The following TEX9 variants were observed in gnomAD, a reference collection of about 807,000 sequenced individuals.
TEX9 encodes testis expressed 9.
In TEX9, 74 loss-of-function variants were observed where a neutral mutation model predicts 59.6. The ratio of observed to expected loss-of-function variants is 1.24; its 90% CI spans 1.03 to 1.51. The LOEUF is 1.51. Among genes scored for constraint, TEX9 ranks in the 40% most tolerant of loss-of-function variants. The pLI, the probability that TEX9 is intolerant of heterozygous loss-of-function variation, is 0.00. For missense variants in TEX9, 522 were observed against 447.8 expected (o/e 1.17, Z -1.49); for synonymous variants, 186 against 152.2 (o/e 1.22, Z -1.64).
At chr15:56,404,708 A>T (rs149562089) in intron 9 of TEX9, among the ~76,000 whole-genome samples, 1 of 152,336 alleles carries the variant, frequency 6.6e-6, no homozygotes, top group East Asian at 1.9e-4. Flanking sequence ...CACTATTCAC[A>T]ATAGCAAAGA....
At chr15:56,406,245 C>T (rs140035579) in intron 9 of TEX9, among the ~76,000 whole-genome samples, 1 of 152,208 alleles carries the variant, frequency 6.6e-6, no homozygotes, top group African/African-American at 2.4e-5. Context: ...TTTTCTTCAG[C>T]ATAACATTTT....
At position 56,278,264 on chromosome 15, in the gene TEX9, G is replaced by A. The variant is rs147348337; in HGVS notation, c.-107+33986G>A. ...ATTATCCTTTCTCCTTGTATGTCTT[G>A]TAATGCCATATATAGTGCATGAAAG... On this transcript the variant is annotated intron_variant, in intron 1 of 5. Transcript: ENST00000560827. Among the ~76,000 whole-genome samples the A allele has an allele frequency of 6.0e-4, 91 of 152,102 alleles. 1 individual carries two copies. The highest frequency in any genetic ancestry group is 3.4e-3 in the Middle Eastern group (1 of 294).
At chr15:56,412,216 A>G (rs1260799721) in intron 9 of TEX9, 86 bp from the exon 10 acceptor site, 2 of 1,278,266 alleles carry the variant, frequency 1.6e-6, no homozygotes, top group Non-Finnish European at 2.1e-6. Flanking sequence ...AAAGCAAGGA[A>G]TATGGATATG....
intron 1 of TEX9, among the ~76,000 whole-genome samples, chr15:56,308,676 T>G (rs564102696): frequency 1.3e-5 from 2 of 152,302 alleles, no homozygotes; most frequent in Non-Finnish European, 2.9e-5. Context: ...AACAGTTTTA[T>G]AGTTTTAGCT....
intron 1 of TEX9, among the ~76,000 whole-genome samples, chr15:56,342,351 C>A (rs1167454037): frequency 3.3e-5 from 5 of 152,230 alleles, no homozygotes; most frequent in Non-Finnish European, 7.4e-5. Context: ...ACATGGCTAC[C>A]TCTACTCAGT....
intron 1 of TEX9, among the ~76,000 whole-genome samples, chr15:56,348,859 T>G (rs753364008): frequency 6.6e-5 from 10 of 152,090 alleles, no homozygotes; most frequent in Admixed American, 6.6e-5. Context: ...TTACAATAAC[T>G]CATATGTTAC....
At chr15:56,457,462 A>G in the TEX9 span, among the ~76,000 whole-genome samples, 3 of 152,206 alleles carry the variant, frequency 2.0e-5, no homozygotes, top group Non-Finnish European at 4.4e-5. Flanking sequence ...ACTATCACTC[A>G]TATATTGCTG....
chr15:56,335,509 T>G (rs1372641779), intron 1 of TEX9, among the ~76,000 whole-genome samples: 2 of 151,868 alleles, frequency 1.3e-5, no homozygotes, highest in African/African-American at 4.8e-5. Flanking sequence ...CTGGGAAGGG[T>G]ATGGGGATGG....
chr15:56,289,278 T>C (rs943141136), intron 1 of TEX9, among the ~76,000 whole-genome samples: 2 of 152,242 alleles, frequency 1.3e-5, no homozygotes, highest in Non-Finnish European at 1.5e-5. Context: ...TTTGGTGTTA[T>C]GTCTTCTTGT....
intron 1 of TEX9, among the ~76,000 whole-genome samples, chr15:56,276,732 A>G (rs913783364): frequency 2.0e-5 from 3 of 152,302 alleles, no homozygotes; most frequent in Admixed American, 6.5e-5. Context: ...TTCTGGTTCT[A>G]GATCCTTGAG....
At chr15:56,395,022 A>G (rs565493422) in intron 9 of TEX9, 188 bp downstream of exon 9, 9 of 604,946 alleles carry the variant, frequency 1.5e-5, no homozygotes, top group South Asian at 7.8e-5. Context: ...AAAGTATGCA[A>G]TTCAATGGCT....
chr15:56,448,341 A>C (rs1423381619), downstream of TEX9, among the ~76,000 whole-genome samples: 1 of 152,170 alleles, frequency 6.6e-6, no homozygotes, highest in African/African-American at 2.4e-5. Context: ...AGCTCCTGTC[A>C]CCCAGGCAGT....
At chr15:56,271,108 G>A (rs2044518761) in intron 1 of TEX9, among the ~76,000 whole-genome samples, 3 of 152,080 alleles carry the variant, frequency 2.0e-5, no homozygotes, top group Admixed American at 2.0e-4. Context: ...TGACAATTAT[G>A]TGTCTTGGGG....
chr15:56,406,278 TGTG>T lies in TEX9; in HGVS notation c.829-6020_829-6018del, dbSNP rs1435273088. ...TTTTAAGGTTCATCAATGTTTTACA[TGTG>T]GTGTGGTTCATTTCCTTGTATTGCT... On this transcript the variant is annotated intron_variant, in intron 9 of 12. Transcript: ENST00000352903. Among the ~76,000 whole-genome samples, 5 of 152,170 alleles carry T rather than the reference TGTG, an allele frequency of 3.3e-5. No homozygotes were observed. In the East Asian group the frequency reaches 5.8e-4, roughly 18 times the overall value.
chr15:56,383,820 A>G, intron 3 of TEX9, 132 bp from the exon 4 acceptor site: 1 of 581,326 alleles, frequency 1.7e-6, no homozygotes, highest in Non-Finnish European at 3.0e-6. Flanking sequence ...TAGCATTTAG[A>G]ATTCCGTGCC....
At chr15:56,375,771 CAT>C (rs1379273704) in intron 3 of TEX9, among the ~76,000 whole-genome samples, 1 of 151,882 alleles carries the variant, frequency 6.6e-6, no homozygotes, top group Non-Finnish European at 1.5e-5. Context: ...CACATGCACA[CAT>C]ATGTTTATTG....
chr15:56,395,399 G>A (rs1365757633), intron 9 of TEX9: 1 of 152,086 alleles, frequency 6.6e-6, no homozygotes, highest in African/African-American at 2.4e-5. Flanking sequence ...TATTTGGGTT[G>A]TTTCTACTGT....
At chr15:56,307,042 G>T (rs1212751641) in intron 1 of TEX9, among the ~76,000 whole-genome samples, 1 of 152,154 alleles carries the variant, frequency 6.6e-6, no homozygotes, top group African/African-American at 2.4e-5. Flanking sequence ...CTTCCTGGCT[G>T]TGCTCAGTAA....
chr15:56,326,528 A>G (rs901748592), intron 1 of TEX9, among the ~76,000 whole-genome samples: 8 of 152,184 alleles, frequency 5.3e-5, no homozygotes, highest in Non-Finnish European at 7.4e-5. Flanking sequence ...ACAGGTAACT[A>G]TCTTAGTTTG....
Sources: gnomAD v4.1 joint callset for allele counts (sites outside exome capture counted in the v4.1 genomes callset) on GRCh38, gnomAD v4.1.1 for gene constraint, MANE v1.5 for transcripts, NCBI Gene and HGNC (gene_info 2026-07-23, HGNC 2026-07-21) for gene names.